BTRC: variants seen among roughly 807,000 people sequenced by gnomAD.
The protein encoded by BTRC is beta-transducin repeat containing E3 ubiquitin protein ligase, also known as F-box/WD repeat-containing protein 1A.
In BTRC, 42 loss-of-function variants were observed where a neutral mutation model predicts 85.5. The ratio of observed to expected loss-of-function variants is 0.49; its 90% CI spans 0.38 to 0.64. The LOEUF is 0.64. BTRC is among the 30% of genes least tolerant of loss of function. The probability of loss-of-function intolerance (pLI) is 0.00; values close to 1 mark genes in which losing one functional copy is unlikely to be tolerated. For synonymous variants in BTRC, 255 were observed against 263.3 expected (o/e 0.97, Z 0.30); for missense variants, 594 against 743.5 (o/e 0.80, Z 2.34).
rs1398650458 is a variant in BTRC, at chr10:101,366,993, TTAA to T, written c.48+12768_48+12770del. 3.3e-3 allele frequency among the ~76,000 whole-genome samples: 238 copies of T among 72,338 alleles called. 28 individuals are homozygous for T. Among genetic ancestry groups the T allele is most frequent in the African/African-American group, 0.013 (231 of 18,294 alleles). 47.5% of individuals were successfully genotyped at this position (72,338 alleles called of 152,430 possible). A position where few individuals can be genotyped will look rare whatever the true frequency, so the allele number is the denominator to read the frequency against. The stretch of plus-strand genomic sequence containing the variant: ...ATATATATTTATATATTTATATATA[TTAA>T]TATATATATTTATATATATATTTAT... On this transcript the variant is annotated intron_variant, in intron 1 of 14. Transcript: ENST00000370187.
In BTRC at chr10:101,541,216, G is replaced by A. The variant is rs183201588; in HGVS notation, c.1656+2845G>A. Among the ~76,000 whole-genome samples, 317 of 149,670 alleles carry A rather than the reference G, an allele frequency of 2.1e-3. 3 individuals are homozygous for A. Among genetic ancestry groups the A allele is most frequent in the African/African-American group, 7.2e-3 (292 of 40,728 alleles). Reference sequence around the variant, plus strand: ...GGCGAAAGGCATTCAGTCTTTCACCGTTTCACATATGTGTATATATAGATG... The same window carrying A: ...GGCGAAAGGCATTCAGTCTTTCACCATTTCACATATGTGTATATATAGATG... On this transcript the variant is annotated intron_variant, in intron 13 of 14. Transcript: ENST00000370187.
intron 1 of BTRC, among the ~76,000 whole-genome samples, chr10:101,375,343 G>C (rs946858851): frequency 6.6e-6 from 1 of 151,786 alleles, no homozygotes; most frequent in Non-Finnish European, 1.5e-5. Flanking sequence ...GCCTTCTCCC[G>C]TGATTTTAAG....
intron 9 of BTRC, 68 bp downstream of exon 9, chr10:101,533,138 G>C: frequency 2.6e-6 from 3 of 1,157,092 alleles, no homozygotes; most frequent in African/African-American, 1.5e-5. Context: ...GTCATAGATA[G>C]TAATTTTGTA....
chr10:101,530,929 T>C (rs1393004361), intron 6 of BTRC, among the ~76,000 whole-genome samples: 1 of 152,208 alleles, frequency 6.6e-6, no homozygotes, highest in Non-Finnish European at 1.5e-5. Flanking sequence ...ATCCCAGCAC[T>C]TTGGGAGGCC....
Position 101,354,305 on chromosome 10 carries a change from C to G in BTRC, c.48+77C>G. The G allele has an allele frequency of 2.0e-6, 3 of 1,494,906 alleles. No homozygotes were observed. The South Asian group carries it at 3.7e-5, about 18-fold the overall frequency. 92.6% of individuals were successfully genotyped at this position (1,494,906 alleles called of 1,614,324 possible). On this transcript the variant is annotated intron_variant, in intron 1 of 14. Coordinates refer to ENST00000370187, the MANE Select transcript of BTRC (RefSeq NM_033637.4). Reference sequence around the variant, plus strand: ...GTCGCTGGCCTGGGCCGCCCGCCCACTGCGGGACCGGGCAGCGGGACCCTG... The same window carrying G: ...GTCGCTGGCCTGGGCCGCCCGCCCAGTGCGGGACCGGGCAGCGGGACCCTG...
intron 6 of BTRC, among the ~76,000 whole-genome samples, chr10:101,528,953 A>G (rs1361362111): frequency 1.3e-5 from 2 of 152,222 alleles, no homozygotes; most frequent in Admixed American, 6.5e-5. Flanking sequence ...CCCCTGGGAC[A>G]TGAACTCTGT....
chr10:101,538,493 T>A, intron 13 of BTRC, 122 bp downstream of exon 13: 1 of 831,642 alleles, frequency 1.2e-6, no homozygotes, highest in Non-Finnish European at 2.0e-6. Flanking sequence ...TACAACTAAG[T>A]GGTAAGGCAA....
At chr10:101,367,410 T>G (rs939519619) in intron 1 of BTRC, among the ~76,000 whole-genome samples, 23 of 152,104 alleles carry the variant, frequency 1.5e-4, no homozygotes, top group Non-Finnish European at 3.2e-4. Flanking sequence ...GTGTACTTTA[T>G]GTATGTGTTA....
At chr10:101,443,455 A>T (rs1046763387) in intron 2 of BTRC, among the ~76,000 whole-genome samples, 2 of 152,240 alleles carry the variant, frequency 1.3e-5, no homozygotes, top group Non-Finnish European at 2.9e-5. Flanking sequence ...AGAAAAATAC[A>T]TATGTATAAT....
At chr10:101,454,106 TAAAAAC>T (rs1051725319) in intron 2 of BTRC, among the ~76,000 whole-genome samples, 173 of 146,044 alleles carry the variant, frequency 1.2e-3, no homozygotes, top group African/African-American at 4.0e-3. Flanking sequence ...CCTCTGCTAT[TAAAAAC>T]AAAACAAAAC....
At chr10:101,399,350 T>C (rs1273303870) in intron 1 of BTRC, among the ~76,000 whole-genome samples, 1 of 149,676 alleles carries the variant, frequency 6.7e-6, no homozygotes, top group Non-Finnish European at 1.5e-5. Flanking sequence ...TTTTTAGAAT[T>C]TTTAAAAAGC....
At chr10:101,438,174 C>A (rs535861298) in intron 2 of BTRC, among the ~76,000 whole-genome samples, 3 of 152,082 alleles carry the variant, frequency 2.0e-5, no homozygotes, top group African/African-American at 7.2e-5. Context: ...CGTCTGTAAT[C>A]CCAGCACTTT....
Position 101,354,416 on chromosome 10 carries a change from G to A in BTRC, c.48+188G>A, listed in dbSNP as rs939443105. 4.7e-5 allele frequency: 29 copies of A among 620,650 alleles called. 1 individual carries two copies. Among genetic ancestry groups the A allele is most frequent in the East Asian group, 1.0e-4 (3 of 30,040 alleles). 38.4% of individuals were successfully genotyped at this position (620,650 alleles called of 1,614,324 possible). Reference sequence around the variant, plus strand: ...GGGGTTGCGGAGCGGACCCAGGGGTGGGGGCAGCGGCTCCGCCATCTTGTG... The same window carrying A: ...GGGGTTGCGGAGCGGACCCAGGGGTAGGGGCAGCGGCTCCGCCATCTTGTG... On this transcript the variant is annotated intron_variant, in intron 1 of 14. Transcript: ENST00000370187.
intron 2 of BTRC, among the ~76,000 whole-genome samples, chr10:101,432,279 C>T (rs1944423132): frequency 6.6e-6 from 1 of 151,962 alleles, no homozygotes; most frequent in South Asian, 2.1e-4. Context: ...AGGCACACGA[C>T]CACACTTGGC....
At chr10:101,390,536 G>T (rs1943211100) in intron 1 of BTRC, among the ~76,000 whole-genome samples, 1 of 151,920 alleles carries the variant, frequency 6.6e-6, no homozygotes, top group Non-Finnish European at 1.5e-5. Context: ...GTTTCACCAT[G>T]TTAGCCAGGA....
At chr10:101,501,265 A>G (rs747476319) in intron 4 of BTRC, among the ~76,000 whole-genome samples, 8 of 152,152 alleles carry the variant, frequency 5.3e-5, no homozygotes, top group Non-Finnish European at 1.0e-4. Flanking sequence ...ATGAATCTCT[A>G]TTTTTAAATT....
intron 1 of BTRC, among the ~76,000 whole-genome samples, chr10:101,412,617 A>G (rs1431931500): frequency 6.6e-6 from 1 of 152,226 alleles, no homozygotes; most frequent in Non-Finnish European, 1.5e-5. Context: ...ACATATTTCT[A>G]ATGTGCATAA....
chr10:101,360,215 C>T (rs1942160489), intron 1 of BTRC, among the ~76,000 whole-genome samples: 1 of 151,700 alleles, frequency 6.6e-6, no homozygotes, highest in African/African-American at 2.4e-5. Context: ...CCACCACGCC[C>T]AGCTAAATTT....
chr10:101,449,150 G>A (rs372659297), intron 2 of BTRC, among the ~76,000 whole-genome samples: 2 of 151,862 alleles, frequency 1.3e-5, no homozygotes, highest in African/African-American at 2.4e-5. Context: ...ATGGTTTTAC[G>A]TCTCGGGATA....
Sources: gnomAD v4.1 joint callset for allele counts (sites outside exome capture counted in the v4.1 genomes callset) on GRCh38, gnomAD v4.1.1 for gene constraint, MANE v1.5 for transcripts, NCBI Gene and HGNC (gene_info 2026-07-23, HGNC 2026-07-21) for gene names.